NINJ2: variants seen among roughly 807,000 people sequenced by gnomAD.
NINJ2 encodes ninjurin-2.
In NINJ2, 12 loss-of-function variants were observed where a neutral mutation model predicts 11.7. The ratio of observed to expected loss-of-function variants is 1.02; its 90% CI spans 0.66 to 1.66. The LOEUF (loss-of-function observed/expected upper bound fraction) is 1.66, where lower values mean the gene tolerates loss of function less well. Among genes scored for constraint, NINJ2 ranks in the 40% most tolerant of loss-of-function variants. The probability of loss-of-function intolerance (pLI) is 0.00; values close to 1 mark genes in which losing one functional copy is unlikely to be tolerated. For synonymous variants in NINJ2, 93 were observed against 76.8 expected (o/e 1.21, Z -1.10); for missense variants, 187 against 181.8 (o/e 1.03, Z -0.16).
intron 1 of NINJ2, among the ~76,000 whole-genome samples, chr12:589,143 G>T (rs1424569143): frequency 1.3e-5 from 2 of 152,186 alleles, no homozygotes; most frequent in Non-Finnish European, 2.9e-5. Flanking sequence ...GAGCCAAATT[G>T]TAATCAAGGG....
At chr12:610,485 C>A (rs954838785) in intron 1 of NINJ2, 1 of 1,529,284 alleles carries the variant, frequency 6.5e-7, no homozygotes. Context: ...TCAGCGAGCA[C>A]AGCCTTCTGC....
At chr12:590,210 G>A (rs1947699967) in intron 1 of NINJ2, among the ~76,000 whole-genome samples, 1 of 152,216 alleles carries the variant, frequency 6.6e-6, no homozygotes, top group Non-Finnish European at 1.5e-5. Context: ...CCAATGTGCT[G>A]TAGCAGCATT....
At chr12:662,881 G>T (rs572559350) in intron 1 of NINJ2, among the ~76,000 whole-genome samples, 4 of 152,140 alleles carry the variant, frequency 2.6e-5, no homozygotes, top group East Asian at 1.9e-4. Context: ...GCCGAGAAAC[G>T]GCTCAAGTTT....
intron 1 of NINJ2, among the ~76,000 whole-genome samples, chr12:616,972 A>C (rs1445991208): frequency 6.6e-6 from 1 of 152,176 alleles, no homozygotes; most frequent in Non-Finnish European, 1.5e-5. Context: ...TTGGGAGGCC[A>C]AGGTTGGCGG....
chr12:636,909 TGAAA>T (rs1173414732), intron 1 of NINJ2, among the ~76,000 whole-genome samples: 1 of 152,118 alleles, frequency 6.6e-6, no homozygotes, highest in East Asian at 1.9e-4. Flanking sequence ...CCCAAAAAAC[TGAAA>T]GAAAGGACTC....
At chr12:648,680 G>T (rs1411359515) in intron 1 of NINJ2, among the ~76,000 whole-genome samples, 1 of 152,174 alleles carries the variant, frequency 6.6e-6, no homozygotes, top group Non-Finnish European at 1.5e-5. Flanking sequence ...ATCAGAGTTG[G>T]ACTTCTGCAC....
chr12:629,896 A>AAAAAAAAAAAAAAAAATAT lies in NINJ2; in HGVS notation c.33+33431_33+33432insATATTTTTTTTTTTTTTTT. Among the ~76,000 whole-genome samples, 32 of 9,888 alleles carry AAAAAAAAAAAAAAAAATAT rather than the reference A, an allele frequency of 3.2e-3. 2 individuals carry two copies. Among genetic ancestry groups the AAAAAAAAAAAAAAAAATAT allele is most frequent in the Non-Finnish European group, 0.012 (25 of 2,122 alleles). The allele number at this position is 9,888 out of a possible 152,430, so 6.5% of individuals were successfully genotyped here. A position where few individuals can be genotyped will look rare whatever the true frequency, so the allele number is the denominator to read the frequency against. On this transcript the variant is annotated intron_variant, in intron 1 of 3. Transcript: ENST00000305108. ...GAGCAAAACTCAAAAAAAAAAAAAAAATATATATATATATATATATATATA... is the reference window on the plus strand; with the variant it reads ...GAGCAAAACTCAAAAAAAAAAAAAAAAAAAAAAAAAAAAAAATATATATATATATATATATATATATATA...
intron 1 of NINJ2, among the ~76,000 whole-genome samples, chr12:661,150 C>T (rs1249162495): frequency 6.6e-6 from 1 of 152,172 alleles, no homozygotes; most frequent in Non-Finnish European, 1.5e-5. Flanking sequence ...ATGATTGTAG[C>T]TCACTGCAAC....
intron 1 of NINJ2, chr12:643,746 C>A (rs186357898): frequency 2.2e-6 from 2 of 890,774 alleles, no homozygotes; most frequent in East Asian, 1.2e-4. Flanking sequence ...CTCGCTCCCC[C>A]CTCACATCAT....
At chr12:662,048 A>G (rs1281058909) in intron 1 of NINJ2, among the ~76,000 whole-genome samples, 1 of 152,244 alleles carries the variant, frequency 6.6e-6, no homozygotes, top group African/African-American at 2.4e-5. Context: ...AAGAAATTAA[A>G]CAAATGATAA....
intron 1 of NINJ2, among the ~76,000 whole-genome samples, chr12:584,766 A>T (rs994955071): frequency 2.6e-5 from 4 of 151,940 alleles, no homozygotes; most frequent in African/African-American, 9.7e-5. Flanking sequence ...AGATTGCGCC[A>T]CTGCACTTCA....
chr12:663,411 C>T lies in NINJ2; in HGVS notation c.-51G>A, dbSNP rs770187054. On this transcript the variant is annotated 5_prime_UTR_variant, in exon 1 of 4. Transcript: ENST00000305108. The stretch of plus-strand genomic sequence containing the variant: ...CGCACCGGGTGCCGGGAACAGACTG[C>T]GTGGGCTCCTCCAGGCTCCGCCGTC... 1 of 1,614,110 alleles carries T rather than the reference C, an allele frequency of 6.2e-7. No homozygotes were observed. The highest frequency in any genetic ancestry group is 8.5e-7 in the Non-Finnish European group (1 of 1,179,970).
chr12:646,845 A>T (rs1347994333), intron 1 of NINJ2, among the ~76,000 whole-genome samples: 1 of 152,178 alleles, frequency 6.6e-6, no homozygotes, highest in Non-Finnish European at 1.5e-5. Context: ...GAGGGTAAAC[A>T]AACCTGCTTC....
chr12:663,338 A>G lies in NINJ2; in HGVS notation c.23T>C (p.Ile8Thr), dbSNP rs762622871. Residue 8 changes from isoleucine (I) to threonine (T), a missense_variant, in exon 1 of 4, where the codon ATC becomes ACC. Transcript: ENST00000305108. MESAREN[I>T]DLQPGSSDPR... is the part of the protein sequence containing the mutation. ...CCAGAGAGAACTTACTTGAAGGTCG[A>G]TGTTTTCTCTTGCTGATTCCATCTC... 5.0e-6 allele frequency: 8 copies of G among 1,614,136 alleles called. No homozygotes were observed. The South Asian group carries it at 7.7e-5, about 16-fold the overall frequency.
At chr12:564,802 C>G (rs192499853) in intron 3 of NINJ2, 121 bp from the exon 4 acceptor site, 2 of 154,708 alleles carry the variant, frequency 1.3e-5, no homozygotes, top group Admixed American at 6.5e-5. Context: ...AGCACGTGCT[C>G]GAGCAGAGCC....
chr12:571,503 C>T (rs549729174), intron 1 of NINJ2, among the ~76,000 whole-genome samples: 45 of 152,356 alleles, frequency 3.0e-4, no homozygotes, highest in African/African-American at 9.6e-4. Flanking sequence ...GCCTGCCCGG[C>T]ACAGTCATTA....
intron 1 of NINJ2, among the ~76,000 whole-genome samples, chr12:587,228 C>G (rs1947651745): frequency 6.6e-6 from 1 of 152,130 alleles, no homozygotes; most frequent in South Asian, 2.1e-4. Flanking sequence ...GTCAGCTCAC[C>G]AGGACGGGCT....
At chr12:649,511 ATATG>A (rs1032107432) in intron 1 of NINJ2, among the ~76,000 whole-genome samples, 66 of 122,562 alleles carry the variant, frequency 5.4e-4, no homozygotes, top group African/African-American at 1.8e-3. Context: ...GAAACAGTGA[ATATG>A]TGTGTGTGTA....
At chr12:617,610 T>C (rs1174219051) in intron 1 of NINJ2, among the ~76,000 whole-genome samples, 2 of 152,220 alleles carry the variant, frequency 1.3e-5, no homozygotes, top group Admixed American at 6.5e-5. Flanking sequence ...CACAGGTCCC[T>C]GAGCTCCCCC....
Sources: allele counts gnomAD v4.1 joint callset (sites outside exome capture counted in the v4.1 genomes callset), GRCh38; gene constraint gnomAD v4.1.1; transcripts MANE v1.5; gene names NCBI Gene and HGNC (gene_info 2026-07-23, HGNC 2026-07-21).